The following KCNK3 variants were observed in gnomAD, a reference collection of about 807,000 sequenced individuals.
KCNK3 encodes the protein potassium two pore domain channel subfamily K member 3, also known as potassium channel subfamily K member 3.
A neutral mutation model predicts 27.3 loss-of-function variants in KCNK3; 9 were observed. That is an observed-to-expected ratio of 0.33 (90% confidence interval 0.20 to 0.57). The LOEUF is 0.57. KCNK3 is among the 20% of genes least tolerant of loss of function. The pLI is 0.87. For synonymous variants in KCNK3, 278 were observed against 273.8 expected, an observed-to-expected ratio of 1.02 and a Z score of -0.15; for missense variants, 391 against 577.7, an observed-to-expected ratio of 0.68 and a Z score of 3.31.
intron 1 of KCNK3, among the ~76,000 whole-genome samples, chr2:26,713,756 C>T (rs562691219): frequency 2.9e-5 from 4 of 139,946 alleles, no homozygotes; most frequent in South Asian, 2.3e-4. Flanking sequence ...CCAGCCTGGG[C>T]GAAAAAGCGA....
At position 26,732,967 on chromosome 2, in the gene KCNK3, AGTG is replaced by A. The variant is rs1663567763; in HGVS notation, c.*4403_*4405del. 6.6e-6 allele frequency: 1 copy of A among 152,248 alleles called. No individual in the cohort carries two copies. Among genetic ancestry groups the A allele is most frequent in the African/African-American group, 2.4e-5 (1 of 41,452 alleles). 9.4% of individuals were successfully genotyped at this position (152,248 alleles called of 1,614,324 possible). On this transcript the variant is annotated 3_prime_UTR_variant, in exon 2 of 2. Coordinates refer to ENST00000302909, the MANE Select transcript of KCNK3 (RefSeq NM_002246.3). ...CAGCATTGTGACAGCTGGGCAGAGC[AGTG>A]GTGAACTGCACCCATGTCCCTGCTC...
Position 26,728,818 on chromosome 2 carries a change from A to T in KCNK3, c.*250A>T, listed in dbSNP as rs1663482971. Reference sequence around the variant, plus strand: ...AATGTGAAACTTGGTGGGGTCAGGGAGGAAAGGCAGAAGCTGGGAGCCTCC... The same window carrying T: ...AATGTGAAACTTGGTGGGGTCAGGGTGGAAAGGCAGAAGCTGGGAGCCTCC... On this transcript the variant is annotated 3_prime_UTR_variant, in exon 2 of 2. Transcript: ENST00000302909. The T allele has an allele frequency of 5.1e-6, 2 of 394,200 alleles. No homozygotes were observed. Among genetic ancestry groups the T allele is most frequent in the African/African-American group, 4.1e-5 (2 of 48,380 alleles). 24.4% of individuals were successfully genotyped at this position (394,200 alleles called of 1,614,324 possible).
At chr2:26,723,940 C>T (rs4665897) in intron 1 of KCNK3, among the ~76,000 whole-genome samples, 60,978 of 152,106 alleles carry the variant, frequency 0.4, 14,615 homozygotes, top group Non-Finnish European at 0.53. Flanking sequence ...CAGATGCAGC[C>T]CCTCACCCAG....
At position 26,693,513 on chromosome 2, in the gene KCNK3, G is replaced by C. The variant is rs1670197352; in HGVS notation, c.283+355G>C. On this transcript the variant is annotated intron_variant, in intron 1 of 1. Coordinates refer to ENST00000302909, the MANE Select transcript of KCNK3 (RefSeq NM_002246.3). The surrounding 1 kb of genome is among the most constrained non-coding windows in gnomAD (Gnocchi z 5.5). ...GGCCAGGCCCTGAACAGGGCGCTGA[G>C]AGTGAGCGGCGGGAGAGCGCCAGTG... Among the ~76,000 whole-genome samples, 1 of 152,360 alleles carries C rather than the reference G, an allele frequency of 6.6e-6. No individual in the cohort carries two copies. Among genetic ancestry groups the C allele is most frequent in the East Asian group, 1.9e-4 (1 of 5,166 alleles).
chr2:26,731,839 G>A lies in KCNK3; in HGVS notation c.*3271G>A, dbSNP rs1388645362. The A allele has an allele frequency of 6.6e-6, 1 of 152,096 alleles. No individual in the cohort carries two copies. Among genetic ancestry groups the A allele is most frequent in the Non-Finnish European group, 1.5e-5 (1 of 68,038 alleles). The allele number at this position is 152,096 out of a possible 1,614,324, so 9.4% of individuals were successfully genotyped here. A position where few individuals can be genotyped will look rare whatever the true frequency, so the allele number is the denominator to read the frequency against. ...GCAGTGAGTGGCAGACCTAGGCTAGGAACTAGGACTGGGGATTGCTATTCC... is the reference window on the plus strand; with the variant it reads ...GCAGTGAGTGGCAGACCTAGGCTAGAAACTAGGACTGGGGATTGCTATTCC... On this transcript the variant is annotated 3_prime_UTR_variant, in exon 2 of 2. Transcript: ENST00000302909.
At position 26,731,004 on chromosome 2, in the gene KCNK3, A is replaced by C. The variant is rs1663529241; in HGVS notation, c.*2436A>C. On this transcript the variant is annotated 3_prime_UTR_variant, in exon 2 of 2. Transcript: ENST00000302909. The stretch of plus-strand genomic sequence containing the variant: ...CTGCAGGCAGCCTCTCTGCTTCCCC[A>C]ATGCCTTATGCCTGGGCACACTGCC... The C allele has an allele frequency of 6.6e-6, 1 of 152,422 alleles. No individual in the cohort carries two copies. The highest frequency in any genetic ancestry group is 2.4e-5 in the African/African-American group (1 of 41,394). The allele number at this position is 152,422 out of a possible 1,614,324, so 9.4% of individuals were successfully genotyped here.
chr2:26,727,968 C>T lies in KCNK3; in HGVS notation c.585C>T (p.Ile195=). 1 of 1,614,276 alleles carries T rather than the reference C, an allele frequency of 6.2e-7. No homozygotes were observed. Among genetic ancestry groups the T allele is most frequent in the Non-Finnish European group, 8.5e-7 (1 of 1,180,050 alleles). The part of the protein sequence containing the change: ...TFFQAYYYCF[I]TLTTIGFGDY... Reference sequence around the variant, plus strand: ...TCCAGGCCTACTACTACTGCTTCATCACCCTCACCACCATCGGCTTCGGCG... The same window carrying T: ...TCCAGGCCTACTACTACTGCTTCATTACCCTCACCACCATCGGCTTCGGCG... Residue 195 remains isoleucine, a synonymous_variant, in exon 2 of 2, where the codon ATC becomes ATT. Coordinates refer to ENST00000302909, the MANE Select transcript of KCNK3 (RefSeq NM_002246.3).
At chr2:26,722,799 C>T (rs1211745957) in intron 1 of KCNK3, among the ~76,000 whole-genome samples, 1 of 152,224 alleles carries the variant, frequency 6.6e-6, no homozygotes, top group African/African-American at 2.4e-5. Context: ...ATCACCACAT[C>T]GAACTTCATA....
intron 1 of KCNK3, among the ~76,000 whole-genome samples, chr2:26,707,730 C>T (rs968331294): frequency 2.6e-5 from 4 of 152,216 alleles, no homozygotes; most frequent in Non-Finnish European, 5.9e-5. Flanking sequence ...AGCATTCTGG[C>T]AATTCCCAGA....
chr2:26,702,353 C>A (rs1297439333), intron 1 of KCNK3, among the ~76,000 whole-genome samples: 1 of 152,180 alleles, frequency 6.6e-6, no homozygotes, highest in Non-Finnish European at 1.5e-5. Context: ...TTAAAAGGGG[C>A]ATCAACAACC....
chr2:26,713,218 T>C (rs117017954), intron 1 of KCNK3, among the ~76,000 whole-genome samples: 36 of 152,234 alleles, frequency 2.4e-4, no homozygotes, highest in African/African-American at 5.8e-4. Flanking sequence ...GGGGCTTTCA[T>C]TGGAGGCCAG....
rs2148267588 is a variant in KCNK3, at chr2:26,721,605, C to A, written c.284-6062C>A. On this transcript the variant is annotated intron_variant, in intron 1 of 1. Transcript: ENST00000302909. This position sits in a 1 kb window ranked among gnomAD's most constrained non-coding sequence, Gnocchi z 4.3. ...GGCCCTCCCCTGGGTGCCCTCTGAGCCCAGCTGCCCTCTGCCATCCAGCAG... is the reference window on the plus strand; with the variant it reads ...GGCCCTCCCCTGGGTGCCCTCTGAGACCAGCTGCCCTCTGCCATCCAGCAG... Among the ~76,000 whole-genome samples, 1 of 152,304 alleles carries A rather than the reference C, an allele frequency of 6.6e-6. No individual in the cohort carries two copies. Among genetic ancestry groups the A allele is most frequent in the East Asian group, 1.9e-4 (1 of 5,178 alleles).
At position 26,728,551 on chromosome 2, in the gene KCNK3, C is replaced by T; in HGVS notation, c.1168C>T (p.Arg390Cys). The T allele has an allele frequency of 6.9e-7, 1 of 1,456,282 alleles. No homozygotes were observed. Among genetic ancestry groups the T allele is most frequent in the Non-Finnish European group, 9.1e-7 (1 of 1,103,796 alleles). 90.2% of individuals were successfully genotyped at this position (1,456,282 alleles called of 1,614,324 possible). The change falls in exon 2 of 2, where the codon CGC (arginine) becomes TGC (cysteine). Residue 390 changes from arginine (R) to cysteine (C), a missense_variant. Physicochemically the swap from Arg to Cys is radical, Grantham distance 180. Coordinates refer to ENST00000302909, the MANE Select transcript of KCNK3 (RefSeq NM_002246.3). ...SLSTFRGLMK[R>C]RSSV The stretch of plus-strand genomic sequence containing the variant: ...GTCCACCTTCCGCGGCCTCATGAAG[C>T]GCAGGAGCTCCGTGTGACTGCCCCG...
At chr2:26,727,054 G>T (rs1250984112) in intron 1 of KCNK3, among the ~76,000 whole-genome samples, 1 of 152,160 alleles carries the variant, frequency 6.6e-6, no homozygotes, top group Admixed American at 6.5e-5. Context: ...AGACTGAAGG[G>T]CCCTTGTTGC....
intron 1 of KCNK3, among the ~76,000 whole-genome samples, chr2:26,710,563 G>A (rs1344774305): frequency 6.6e-6 from 1 of 152,214 alleles, no homozygotes; most frequent in Non-Finnish European, 1.5e-5. Flanking sequence ...CATGTGCAAG[G>A]CCCACAGACA....
intron 1 of KCNK3, among the ~76,000 whole-genome samples, chr2:26,715,291 C>G (rs1346260315): frequency 1.3e-5 from 2 of 152,216 alleles, no homozygotes; most frequent in African/African-American, 4.8e-5. Context: ...GCACTTACTA[C>G]AGTGTACAGC....
At chr2:26,704,249 G>A (rs139262472) in intron 1 of KCNK3, among the ~76,000 whole-genome samples, 5 of 152,220 alleles carry the variant, frequency 3.3e-5, no homozygotes, top group African/African-American at 1.2e-4. Context: ...TTTTATTGAC[G>A]GCTTGCAGGA....
intron 1 of KCNK3, among the ~76,000 whole-genome samples, chr2:26,719,746 AG>A (rs1663293791): frequency 6.6e-6 from 1 of 152,304 alleles, no homozygotes; most frequent in East Asian, 1.9e-4. Flanking sequence ...CACCAACTCA[AG>A]TCCAGCACAA....
intron 1 of KCNK3, among the ~76,000 whole-genome samples, chr2:26,699,575 A>T (rs999854261): frequency 5.3e-5 from 8 of 152,342 alleles, no homozygotes; most frequent in Non-Finnish European, 5.9e-5. Context: ...TTTTGTAATT[A>T]AAAAAATGTA....
Sources: gnomAD v4.1 joint callset for allele counts (sites outside exome capture counted in the v4.1 genomes callset) on GRCh38, gnomAD v4.1.1 for gene constraint, Gnocchi (gnomAD v3.1) non-coding constraint, MANE v1.5 for transcripts, NCBI Gene and HGNC (gene_info 2026-07-23, HGNC 2026-07-21) for gene names.